PHTF2: variants seen among roughly 807,000 people sequenced by gnomAD.
PHTF2 encodes putative homeodomain transcription factor 2.
PHTF2 carries 60 observed loss-of-function variants against 101.2 expected under a neutral mutation model. The observed-to-expected ratio is 0.59, with a 90% CI of 0.48 to 0.73. The LOEUF (loss-of-function observed/expected upper bound fraction) is 0.73, where lower values mean the gene tolerates loss of function less well. PHTF2 is among the 30% of genes least tolerant of loss of function. PHTF2 has a pLI of 0.00. For missense variants in PHTF2, 747 were observed against 908.7 expected, an observed-to-expected ratio of 0.82 and a Z score of 2.29; for synonymous variants, 311 against 307.3, an observed-to-expected ratio of 1.01 and a Z score of -0.13.
intron 5 of PHTF2, 98 bp downstream of exon 4, chr7:77,894,091 G>A (rs997383448): frequency 3.2e-6 from 3 of 929,550 alleles, no homozygotes; most frequent in African/African-American, 3.2e-5. Flanking sequence ...AGATTGACTT[G>A]GACTCGAAAA....
chr7:77,801,274 CACTTG>C, intron 1 of PHTF2, among the ~76,000 whole-genome samples: 1 of 152,344 alleles, frequency 6.6e-6, no homozygotes, highest in South Asian at 2.1e-4. Context: ...TGCCACAAGA[CACTTG>C]ACTTCATGTG....
In PHTF2 at chr7:77,810,015, G is replaced by T. The variant is rs978686450; in HGVS notation, c.-36+11044G>T. Among the ~76,000 whole-genome samples the T allele has an allele frequency of 3.3e-5, 5 of 152,202 alleles. 1 individual carries two copies. Among genetic ancestry groups the T allele is most frequent in the Non-Finnish European group, 2.9e-5 (2 of 68,010 alleles). On this transcript the variant is annotated intron_variant, in intron 1 of 19. Coordinates refer to ENST00000416283, the Ensembl canonical transcript of PHTF2. ...ATAGGAAATTAACGTGATAAAGGAG[G>T]TATTTTAAAATTGAGTTAAGCTTAT... is the stretch of plus-strand genomic sequence containing the variant.
chr7:77,820,266 A>G (rs1470296653), intron 1 of PHTF2, among the ~76,000 whole-genome samples: 1 of 152,116 alleles, frequency 6.6e-6, no homozygotes, highest in Non-Finnish European at 1.5e-5. Flanking sequence ...TCCTGGTTCA[A>G]TCTTGGTAGG....
At chr7:77,799,232 GTCC>G (rs1343408527) in intron 1 of PHTF2, among the ~76,000 whole-genome samples, 1 of 152,120 alleles carries the variant, frequency 6.6e-6, no homozygotes, top group African/African-American at 2.4e-5. Context: ...AGCTCGCGCG[GTCC>G]TCAAGTCTTG....
chr7:77,916,708 T>C (rs1171752833), intron 9 of PHTF2, among the ~76,000 whole-genome samples: 1 of 151,262 alleles, frequency 6.6e-6, no homozygotes, highest in Non-Finnish European at 1.5e-5. Flanking sequence ...AATGGTATAA[T>C]ATTTGCATAT....
rs1012597582 is a variant in PHTF2 at position 77,924,041 on chromosome 7, A to G, written c.1119+1263A>G. ...AATATGGCTATAAAATTCTTCGTCT[A>G]TAAAGTGAAGAATGTAGACTAGGTG... On this transcript the variant is annotated intron_variant, in intron 11 of 19. Coordinates refer to ENST00000416283, the Ensembl canonical transcript of PHTF2. 65 of 938,898 alleles carry G rather than the reference A, an allele frequency of 6.9e-5. No homozygotes were observed. The African/African-American group carries it at 1.1e-3, about 16-fold the overall frequency. 58.2% of individuals were successfully genotyped at this position (938,898 alleles called of 1,614,324 possible). A position where few individuals can be genotyped will look rare whatever the true frequency, so the allele number is the denominator to read the frequency against.
At position 77,942,336 on chromosome 7, in the gene PHTF2, G is replaced by A. The variant is rs115627759; in HGVS notation, c.1873-364G>A. 6.5e-3 allele frequency among the ~76,000 whole-genome samples: 984 copies of A among 152,298 alleles called. 9 individuals are homozygous for A. The highest frequency in any genetic ancestry group is 0.022 in the African/African-American group (921 of 41,560). On this transcript the variant is annotated intron_variant, in intron 15 of 19. Transcript: ENST00000416283. Reference sequence around the variant, plus strand: ...CCCTCCTAGTTCCTGTGAAGGTAGAGGGACCATGTGTTGTTCTCTGTTGTA... The same window carrying A: ...CCCTCCTAGTTCCTGTGAAGGTAGAAGGACCATGTGTTGTTCTCTGTTGTA...
chr7:77,895,768 T>C (rs1313147743), intron 5 of PHTF2: 2 of 152,330 alleles, frequency 1.3e-5, no homozygotes, highest in East Asian at 3.9e-4. Context: ...ACTAACAGGA[T>C]GATCTTAGGG....
chr7:77,883,947 A>G (rs962386363), intron 3 of PHTF2, among the ~76,000 whole-genome samples: 1 of 152,218 alleles, frequency 6.6e-6, no homozygotes, highest in Non-Finnish European at 1.5e-5. Context: ...TGCACCAACT[A>G]TATACAAGAC....
At chr7:77,825,137 G>A (rs1431467853) in intron 1 of PHTF2, among the ~76,000 whole-genome samples, 1 of 152,268 alleles carries the variant, frequency 6.6e-6, no homozygotes, top group South Asian at 2.1e-4. Context: ...TAAGGAAAGA[G>A]TAGATGGTGG....
intron 3 of PHTF2, among the ~76,000 whole-genome samples, chr7:77,882,974 CA>C (rs1250247641): frequency 6.6e-6 from 1 of 151,798 alleles, no homozygotes; most frequent in African/African-American, 2.4e-5. Context: ...GTGTAATGGA[CA>C]ACTAGAAACA....
chr7:77,948,702 A>G (rs1441736547), intron 16 of PHTF2, among the ~76,000 whole-genome samples: 1 of 152,208 alleles, frequency 6.6e-6, no homozygotes, highest in Non-Finnish European at 1.5e-5. Flanking sequence ...TCCTCCCTAA[A>G]TATCAGGAAA....
intron 9 of PHTF2, among the ~76,000 whole-genome samples, chr7:77,911,964 G>GATAAGCAGTTATAA (rs1321210186): frequency 2.0e-5 from 3 of 152,194 alleles, no homozygotes; most frequent in Non-Finnish European, 4.4e-5. Flanking sequence ...AGCATTTCCA[G>GATAAGCAGTTATAA]ATAAGCAGTT....
intron 9 of PHTF2, among the ~76,000 whole-genome samples, chr7:77,916,416 G>A (rs967907777): frequency 6.6e-6 from 1 of 152,132 alleles, no homozygotes; most frequent in African/African-American, 2.4e-5. Context: ...ATGCCAACAT[G>A]AGTCATATAG....
intron 7 of PHTF2, among the ~76,000 whole-genome samples, chr7:77,902,452 G>A (rs116763220): frequency 9.1e-4 from 138 of 152,246 alleles, no homozygotes; most frequent in African/African-American, 3.3e-3. Context: ...AAAGACCTGA[G>A]TGCCCAACGC....
At chr7:77,865,860 T>G (rs1489527993) in intron 3 of PHTF2, among the ~76,000 whole-genome samples, 2 of 152,266 alleles carry the variant, frequency 1.3e-5, no homozygotes, top group East Asian at 3.9e-4. Flanking sequence ...TTGTCAAATC[T>G]GTGAAATAGG....
At chr7:77,836,341 T>A (rs1376569693) in intron 1 of PHTF2, among the ~76,000 whole-genome samples, 1 of 152,042 alleles carries the variant, frequency 6.6e-6, no homozygotes, top group Non-Finnish European at 1.5e-5. Context: ...GTATAACTTT[T>A]ATTGAAAAAA....
chr7:77,864,270 C>T (rs1262718168), intron 3 of PHTF2, among the ~76,000 whole-genome samples: 1 of 152,190 alleles, frequency 6.6e-6, no homozygotes, highest in East Asian at 1.9e-4. Flanking sequence ...CTAAATATTT[C>T]TCAAATCTGT....
intron 16 of PHTF2, among the ~76,000 whole-genome samples, chr7:77,946,384 T>C (rs848447): frequency 1 from 151,660 of 152,308 alleles, 75,508 homozygotes; most frequent in East Asian, 1. Context: ...AAGACAGTTA[T>C]CTGCTTTACC....
Sources: gnomAD v4.1 joint callset for allele counts (sites outside exome capture counted in the v4.1 genomes callset) on GRCh38, gnomAD v4.1.1 for gene constraint, MANE v1.5 for transcripts, NCBI Gene and HGNC (gene_info 2026-07-23, HGNC 2026-07-21) for gene names.